Variants in ZNF385D observed in about 807,000 individuals in gnomAD.
ZNF385D encodes the protein zinc finger protein 659.
Under a neutral mutation model 35.8 loss-of-function variants are expected in ZNF385D, and 15 were observed. The observed-to-expected ratio is 0.42, with a 90% CI of 0.28 to 0.64. The LOEUF (loss-of-function observed/expected upper bound fraction) is 0.64, where lower values mean the gene tolerates loss of function less well. ZNF385D is among the 30% of genes least tolerant of loss of function. ZNF385D has a pLI of 0.23. For missense variants in ZNF385D, 474 were observed against 494.6 expected, an observed-to-expected ratio of 0.96 and a Z score of 0.39; for synonymous variants, 212 against 186.8, an observed-to-expected ratio of 1.13 and a Z score of -1.10.
At position 22,298,499 on chromosome 3, in the gene ZNF385D, A is replaced by AATATACATAAAACATTTATATATAATAT. The variant is rs1359199952; in HGVS notation, c.106+73923_106+73950dup. Among the ~76,000 whole-genome samples the AATATACATAAAACATTTATATATAATAT allele has an allele frequency of 3.3e-3, 488 of 146,224 alleles. 4 individuals are homozygous for AATATACATAAAACATTTATATATAATAT. Among genetic ancestry groups the AATATACATAAAACATTTATATATAATAT allele is most frequent in the African/African-American group, 0.011 (427 of 40,402 alleles). On this transcript the variant is annotated intron_variant, in intron 2 of 5. Coordinates refer to the ZNF385D transcript ENST00000494108. ...ATAAAACATTTATATATAATATATA[A>AATATACATAAAACATTTATATATAATAT]ATATACATAAAACATTTATATATAA...
chr3:21,837,379 G>C (rs1424671683), intron 3 of ZNF385D, among the ~76,000 whole-genome samples: 9 of 152,200 alleles, frequency 5.9e-5, no homozygotes, highest in African/African-American at 2.2e-4. Flanking sequence ...GCTGTTTTCA[G>C]CTGGGAGGTA....
chr3:22,332,417 T>C (rs1236166655), intron 2 of ZNF385D, among the ~76,000 whole-genome samples: 1 of 152,186 alleles, frequency 6.6e-6, no homozygotes, highest in Non-Finnish European at 1.5e-5. Context: ...AAATTATTTG[T>C]ATACAAATAA....
intron 3 of ZNF385D, among the ~76,000 whole-genome samples, chr3:21,859,032 CG>C (rs1419974421): frequency 2.0e-5 from 3 of 151,758 alleles, no homozygotes; most frequent in African/African-American, 7.3e-5. Flanking sequence ...ATACATATAA[CG>C]GGGGGAAGTA....
chr3:21,711,039 G>GTTTTGTTT (rs2068082978), intron 1 of ZNF385D, among the ~76,000 whole-genome samples: 1 of 83,154 alleles, frequency 1.2e-5, no homozygotes, highest in Admixed American at 1.8e-4. Flanking sequence ...CCCTCTAAAA[G>GTTTTGTTT]TTTTTTTTTT....
At chr3:22,064,059 C>G (rs1033113303) in intron 3 of ZNF385D, among the ~76,000 whole-genome samples, 3 of 152,188 alleles carry the variant, frequency 2.0e-5, no homozygotes, top group African/African-American at 7.2e-5. Flanking sequence ...TGTAGTGCAC[C>G]TCATGCTTCA....
At chr3:22,359,818 AAAT>A (rs1696333044) in intron 2 of ZNF385D, among the ~76,000 whole-genome samples, 1 of 151,988 alleles carries the variant, frequency 6.6e-6, no homozygotes, top group African/African-American at 2.4e-5. Flanking sequence ...ATATATAAAC[AAAT>A]GAATTTATAA....
chr3:21,510,568 T>C lies in ZNF385D; in HGVS notation c.439+293A>G, dbSNP rs189529981. Among the ~76,000 whole-genome samples, 398 of 152,234 alleles carry C rather than the reference T, an allele frequency of 2.6e-3. 2 individuals are homozygous for C. Among genetic ancestry groups the C allele is most frequent in the African/African-American group, 9.1e-3 (378 of 41,548 alleles). The stretch of plus-strand genomic sequence containing the variant: ...ATGCAAATGCTGCACACTGAAAAGG[T>C]TCATTTCTCAAAAAGAGTTATGGGG... On this transcript the variant is annotated intron_variant, in intron 4 of 7. Transcript: ENST00000281523.
intron 3 of ZNF385D, among the ~76,000 whole-genome samples, chr3:21,867,327 G>A (rs964285537): frequency 2.0e-5 from 3 of 152,070 alleles, no homozygotes; most frequent in Admixed American, 6.6e-5. Flanking sequence ...AATTTGGAGG[G>A]ATACATTCAG....
intron 2 of ZNF385D, among the ~76,000 whole-genome samples, chr3:22,203,218 C>T (rs370230148): frequency 5.6e-4 from 85 of 152,180 alleles, no homozygotes; most frequent in African/African-American, 2.0e-3. Flanking sequence ...CAGGATAGGG[C>T]AATGGGCAGA....
At chr3:21,668,363 A>T (rs1169988490) in intron 1 of ZNF385D, among the ~76,000 whole-genome samples, 4 of 152,168 alleles carry the variant, frequency 2.6e-5, no homozygotes, top group African/African-American at 9.6e-5. Flanking sequence ...TCCTCATGGC[A>T]TCTAGGGTAG....
chr3:21,994,945 T>G (rs1255900091), intron 3 of ZNF385D, among the ~76,000 whole-genome samples: 1 of 152,212 alleles, frequency 6.6e-6, no homozygotes, highest in Non-Finnish European at 1.5e-5. Flanking sequence ...GGGCTGGGTG[T>G]GTAAACACTT....
intron 3 of ZNF385D, among the ~76,000 whole-genome samples, chr3:21,826,473 G>C (rs146452373): frequency 6.6e-6 from 1 of 152,160 alleles, no homozygotes; most frequent in East Asian, 1.9e-4. Context: ...GAGGGTGATA[G>C]AGTTGTTGAT....
At chr3:21,978,926 A>G (rs1160690520) in intron 3 of ZNF385D, among the ~76,000 whole-genome samples, 2 of 152,208 alleles carry the variant, frequency 1.3e-5, no homozygotes, top group Non-Finnish European at 2.9e-5. Context: ...TGAAAAAACA[A>G]AACATATTTT....
rs908615536 is a variant in ZNF385D, at chr3:22,318,353, G to T, written c.106+54097C>A. On this transcript the variant is annotated intron_variant, in intron 2 of 5. Transcript: ENST00000494108. ...ATGCAGGGAAAATTTGATGTGGAAA[G>T]GAAAACCATGAAGAGAGCAAACATC... Among the ~76,000 whole-genome samples, 10 of 152,186 alleles carry T rather than the reference G, an allele frequency of 6.6e-5. No individual in the cohort carries two copies. In the South Asian group the frequency reaches 1.2e-3, roughly 19 times the overall value.
chr3:21,439,243 A>G (rs539907153), intron 4 of ZNF385D, among the ~76,000 whole-genome samples: 1 of 148,262 alleles, frequency 6.7e-6, no homozygotes, highest in South Asian at 2.2e-4. Context: ...CAAAAGTAGT[A>G]TATTGTGAGC....
intron 3 of ZNF385D, among the ~76,000 whole-genome samples, chr3:21,941,519 A>C (rs1456016148): frequency 1.0e-5 from 1 of 97,060 alleles, no homozygotes; most frequent in Non-Finnish European, 1.9e-5. Context: ...TTTTTTTGAG[A>C]TGGAGTCTCA....
At chr3:22,228,282 A>AAT (rs1336013474) in intron 2 of ZNF385D, among the ~76,000 whole-genome samples, 1 of 152,116 alleles carries the variant, frequency 6.6e-6, no homozygotes, top group East Asian at 1.9e-4. Flanking sequence ...GGCAGAGCCA[A>AAT]ATATATATGG....
intron 3 of ZNF385D, among the ~76,000 whole-genome samples, chr3:22,011,012 A>T (rs558145319): frequency 2.6e-5 from 4 of 152,166 alleles, no homozygotes; most frequent in Non-Finnish European, 5.9e-5. Flanking sequence ...ATCATAATTG[A>T]AAAGGTTTTA....
chr3:21,670,487 A>G (rs1477844395), intron 1 of ZNF385D, among the ~76,000 whole-genome samples: 1 of 151,858 alleles, frequency 6.6e-6, no homozygotes, highest in Non-Finnish European at 1.5e-5. Context: ...CAAATATTTC[A>G]GTTAGAATTT....
Sources: allele counts gnomAD v4.1 joint callset (sites outside exome capture counted in the v4.1 genomes callset), GRCh38; gene constraint gnomAD v4.1.1; transcripts MANE v1.5; gene names NCBI Gene and HGNC (gene_info 2026-07-23, HGNC 2026-07-21).